The following IGLL1 variants were observed in gnomAD, a reference collection of about 807,000 sequenced individuals.
IGLL1 encodes immunoglobulin lambda like polypeptide 1.
A neutral mutation model predicts 10.5 loss-of-function variants in IGLL1; 10 were observed. The ratio of observed to expected loss-of-function variants is 0.95; its 90% CI spans 0.59 to 1.62. IGLL1 has a LOEUF of 1.62. Among genes scored for constraint, IGLL1 ranks in the 40% most tolerant of loss-of-function variants. The pLI is 0.00. For synonymous variants in IGLL1, 141 were observed against 122.7 expected, an observed-to-expected ratio of 1.15 and a Z score of -0.99; for missense variants, 284 against 278.7, an observed-to-expected ratio of 1.02 and a Z score of -0.14.
At chr22:23,578,044 C>G (rs141372218) in intron 1 of IGLL1, among the ~76,000 whole-genome samples, 5,228 of 152,068 alleles carry the variant, frequency 0.034, 291 homozygotes, top group African/African-American at 0.12. Context: ...CCACCACGCC[C>G]AGCTAGTTTT....
chr22:23,575,030 A>AC lies in IGLL1; in HGVS notation c.258dup (p.Phe87ValfsTer6). On this transcript the variant is annotated frameshift_variant, in exon 2 of 3. Coordinates refer to ENST00000330377, the MANE Select transcript of IGLL1 (RefSeq NM_020070.4). LOFTEE classifies it high-confidence loss of function. The stretch of plus-strand genomic sequence containing the variant: ...GTCACTGAGTTATGCTTGGATTGAA[A>AC]CCCCCGGGGCCAGCACCTGGGGCCA... 2 of 1,613,358 alleles carry AC rather than the reference A, an allele frequency of 1.2e-6. No individual in the cohort carries two copies. The highest frequency in any genetic ancestry group is 2.2e-5 in the South Asian group (2 of 91,034).
At position 23,575,073 on chromosome 22, in the gene IGLL1, G is replaced by C; in HGVS notation, c.216C>G (p.Leu72=). The C allele has an allele frequency of 6.2e-7, 1 of 1,613,412 alleles. No individual in the cohort carries two copies. Among genetic ancestry groups the C allele is most frequent in the Non-Finnish European group, 8.5e-7 (1 of 1,179,354 alleles). The change falls in exon 2 of 3, where the codon CTC becomes CTG. Residue 72 remains leucine (L), a synonymous_variant. Transcript: ENST00000330377. The part of the protein sequence containing the change: ...SLRSRWGRFL[L]QRGSWTGPRC... ...TGGGGCCAGTCCAGGAGCCGCGCTG[G>C]AGCAGGAACCTGCTGGGAGTGAGGG... is the stretch of plus-strand genomic sequence containing the variant.
At chr22:23,577,741 GCTCAGGCTGATCTCAAA>G (rs1280517182) in intron 1 of IGLL1, among the ~76,000 whole-genome samples, 1 of 151,906 alleles carries the variant, frequency 6.6e-6, no homozygotes, top group East Asian at 1.9e-4. Flanking sequence ...TTGCTATGTT[GCTCAGGCTGATCTCAAA>G]CTCCTGGGCT....
intron 1 of IGLL1, among the ~76,000 whole-genome samples, chr22:23,577,533 CTTT>C (rs869071437): frequency 5.2e-5 from 6 of 115,038 alleles, no homozygotes; most frequent in African/African-American, 1.1e-4. Flanking sequence ...AATAATCAGT[CTTT>C]TTTTTTTTTT....
At chr22:23,574,900 G>T in intron 2 of IGLL1, 67 bp downstream of exon 2, 1 of 1,117,646 alleles carries the variant, frequency 8.9e-7, no homozygotes, top group Non-Finnish European at 1.4e-6. Flanking sequence ...AGAAGCCCCA[G>T]AGAGAGAAAA....
chr22:23,575,836 G>A lies in IGLL1; in HGVS notation c.207-754C>T, dbSNP rs866340956. ...GGTGTCTCCGCTGGATGCGACACAG[G>A]GCTGGCCCCTCTTTCCAGTGACTCT... On this transcript the variant is annotated intron_variant, in intron 1 of 2. Transcript: ENST00000330377. Among the ~76,000 whole-genome samples the A allele has an allele frequency of 1.6e-3, 238 of 152,290 alleles. 1 individual carries two copies. The highest frequency in any genetic ancestry group is 0.01 in the Middle Eastern group (3 of 294).
At position 23,573,250 on chromosome 22, in the gene IGLL1, G is replaced by A. The variant is rs749575461; in HGVS notation, c.*16C>T. 6.2e-7 allele frequency: 1 copy of A among 1,612,406 alleles called. No individual in the cohort carries two copies. The highest frequency in any genetic ancestry group is 8.5e-7 in the Non-Finnish European group (1 of 1,178,606). On this transcript the variant is annotated 3_prime_UTR_variant, in exon 3 of 3. Coordinates refer to ENST00000330377, the MANE Select transcript of IGLL1 (RefSeq NM_020070.4). The stretch of plus-strand genomic sequence containing the variant: ...TGCAGCTCCAGGCCCCTTTGGGTGG[G>A]GTCGGGGCTGGGAACCTATGAACAT...
At position 23,575,046 on chromosome 22, in the gene IGLL1, C is replaced by T. The variant is rs577352984; in HGVS notation, c.243G>A (p.Arg81=). 1.9e-6 allele frequency: 3 copies of T among 1,614,040 alleles called. No individual in the cohort carries two copies. The highest frequency in any genetic ancestry group is 2.2e-5 in the East Asian group (1 of 44,876). ...TGGATTGAAACCCCCGGGGCCAGCA[C>T]CTGGGGCCAGTCCAGGAGCCGCGCT... ...LLQRGSWTGP[R]CWPRGFQSKH... The change falls in exon 2 of 3, where the codon AGG becomes AGA. Residue 81 remains arginine, a synonymous_variant. Coordinates refer to ENST00000330377, the MANE Select transcript of IGLL1 (RefSeq NM_020070.4).
At chr22:23,576,243 C>A (rs976752760) in intron 1 of IGLL1, among the ~76,000 whole-genome samples, 1 of 151,244 alleles carries the variant, frequency 6.6e-6, no homozygotes, top group Non-Finnish European at 1.5e-5. Context: ...GCCTCCCACA[C>A]TGAAATGGCT....
At chr22:23,579,042 AG>A (rs1047412755) in intron 1 of IGLL1, among the ~76,000 whole-genome samples, 2 of 152,118 alleles carry the variant, frequency 1.3e-5, no homozygotes, top group Non-Finnish European at 2.9e-5. Flanking sequence ...ATCAGCTTAG[AG>A]GATGGGACAG....
At chr22:23,575,181 T>A (rs565852657) in intron 1 of IGLL1, 99 bp from the exon 2 acceptor site, 2 of 840,598 alleles carry the variant, frequency 2.4e-6, no homozygotes, top group African/African-American at 3.3e-5. Context: ...CCCAGTAGTG[T>A]CTCTGTGCCT....
At position 23,580,206 on chromosome 22, in the gene IGLL1, G is replaced by C. The variant is rs1357312016; in HGVS notation, c.-16C>G. The C allele has an allele frequency of 1.3e-6, 2 of 1,536,774 alleles. No homozygotes were observed. Among genetic ancestry groups the C allele is most frequent in the Non-Finnish European group, 1.7e-6 (2 of 1,146,774 alleles). ...CTGGCCTCATCGGCCCTCAGGGTCAGAGGTCCTTGTGGCCTGACTTGCAGT... is the reference window on the plus strand; with the variant it reads ...CTGGCCTCATCGGCCCTCAGGGTCACAGGTCCTTGTGGCCTGACTTGCAGT... On this transcript the variant is annotated 5_prime_UTR_variant, in exon 1 of 3. Coordinates refer to ENST00000330377, the MANE Select transcript of IGLL1 (RefSeq NM_020070.4).
intron 1 of IGLL1, 23 bp downstream of exon 1, chr22:23,579,962 C>T (rs746532192): frequency 6.4e-7 from 1 of 1,555,086 alleles, no homozygotes; most frequent in East Asian, 2.4e-5. Context: ...CCCCCACATC[C>T]CCTGGAATCT....
chr22:23,579,917 C>A (rs995211616), intron 1 of IGLL1, 68 bp downstream of exon 1: 1 of 1,375,312 alleles, frequency 7.3e-7, no homozygotes, highest in Non-Finnish European at 9.9e-7. Context: ...GGCTCGTCTC[C>A]CCTTGGTCAT....
At chr22:23,577,314 A>G (rs144868618) in intron 1 of IGLL1, among the ~76,000 whole-genome samples, 291 of 152,090 alleles carry the variant, frequency 1.9e-3, no homozygotes, top group Non-Finnish European at 3.1e-3. Flanking sequence ...TGAGGCAGGG[A>G]TATTGCTTGA....
intron 1 of IGLL1, among the ~76,000 whole-genome samples, chr22:23,578,083 C>A (rs968009281): frequency 6.6e-6 from 1 of 151,932 alleles, no homozygotes; most frequent in Non-Finnish European, 1.5e-5. Context: ...GGAGTTTTGC[C>A]ATGTTGGCCA....
chr22:23,574,906 G>C, intron 2 of IGLL1, 61 bp downstream of exon 2: 1 of 1,200,354 alleles, frequency 8.3e-7, no homozygotes, highest in South Asian at 1.2e-5. Flanking sequence ...CCCAGAGAGA[G>C]AAAACACATT....
At chr22:23,576,878 C>A (rs1380413728) in intron 1 of IGLL1, among the ~76,000 whole-genome samples, 1 of 152,184 alleles carries the variant, frequency 6.6e-6, no homozygotes, top group Non-Finnish European at 1.5e-5. Flanking sequence ...AAACTCTAAA[C>A]CCGTTAACTA....
At chr22:23,579,027 G>A (rs998635977) in intron 1 of IGLL1, among the ~76,000 whole-genome samples, 11 of 152,028 alleles carry the variant, frequency 7.2e-5, no homozygotes, top group Non-Finnish European at 1.6e-4. Context: ...GCACGTGTCC[G>A]CTCGATCAGC....
Sources: gnomAD v4.1 joint callset for allele counts (sites outside exome capture counted in the v4.1 genomes callset) on GRCh38, gnomAD v4.1.1 for gene constraint, MANE v1.5 for transcripts, NCBI Gene and HGNC (gene_info 2026-07-23, HGNC 2026-07-21) for gene names.